The following AGBL4 variants were observed in gnomAD, a reference collection of about 807,000 sequenced individuals.
AGBL4 encodes the protein cytosolic carboxypeptidase 6.
In AGBL4, 58 loss-of-function variants were observed where a neutral mutation model predicts 66.4. The observed-to-expected ratio is 0.87, with a 90% CI of 0.71 to 1.09. The LOEUF is 1.09. Ranked by LOEUF, AGBL4 falls within the 50% of genes least tolerant of loss-of-function variation. The probability of loss-of-function intolerance (pLI) is 0.00; values close to 1 mark genes in which losing one functional copy is unlikely to be tolerated. For missense variants in AGBL4, 579 were observed against 631.0 expected, an observed-to-expected ratio of 0.92 and a Z score of 0.88; for synonymous variants, 234 against 222.9, an observed-to-expected ratio of 1.05 and a Z score of -0.44.
intron 4 of AGBL4, 48 bp downstream of exon 4, chr1:49,245,722 G>C: frequency 7.0e-7 from 1 of 1,423,396 alleles, no homozygotes; most frequent in Non-Finnish European, 9.7e-7. Flanking sequence ...ATGGGGTCTG[G>C]GACAAATTTT....
At chr1:49,085,930 G>A (rs142859830) in intron 4 of AGBL4, among the ~76,000 whole-genome samples, 94 of 152,254 alleles carry the variant, frequency 6.2e-4, no homozygotes, top group Admixed American at 1.6e-3. Flanking sequence ...GCAGATCAGC[G>A]TTGGTGTCAT....
At chr1:48,775,851 T>C (rs1051413975) in intron 6 of AGBL4, among the ~76,000 whole-genome samples, 5 of 152,238 alleles carry the variant, frequency 3.3e-5, no homozygotes, top group African/African-American at 1.2e-4. Context: ...TCCAGTGTTA[T>C]TCTGACCCAG....
chr1:48,757,620 T>C (rs1644008366), intron 6 of AGBL4, among the ~76,000 whole-genome samples: 1 of 152,204 alleles, frequency 6.6e-6, no homozygotes, highest in Non-Finnish European at 1.5e-5. Flanking sequence ...GCCTCTCTGC[T>C]GACTTCTTGG....
At chr1:49,781,607 C>A (rs1193599854) in intron 2 of AGBL4, among the ~76,000 whole-genome samples, 1 of 152,056 alleles carries the variant, frequency 6.6e-6, no homozygotes, top group Non-Finnish European at 1.5e-5. Flanking sequence ...AGAACAAGGA[C>A]AGAGAAAACA....
At chr1:49,409,626 C>T (rs1238688546) in intron 3 of AGBL4, among the ~76,000 whole-genome samples, 2 of 152,062 alleles carry the variant, frequency 1.3e-5, no homozygotes, top group Non-Finnish European at 2.9e-5. Flanking sequence ...CTTACTCTGG[C>T]GCTGACTATC....
chr1:49,776,837 A>G (rs180706795), intron 2 of AGBL4, among the ~76,000 whole-genome samples: 3 of 152,234 alleles, frequency 2.0e-5, no homozygotes, highest in Admixed American at 2.0e-4. Context: ...CATGACCATA[A>G]GTAACATGAA....
chr1:48,642,504 G>C (rs964640343), intron 8 of AGBL4, among the ~76,000 whole-genome samples: 6 of 151,976 alleles, frequency 3.9e-5, no homozygotes, highest in Non-Finnish European at 8.8e-5. Flanking sequence ...CTAATTCTTA[G>C]AGCCAGTGAC....
intron 3 of AGBL4, among the ~76,000 whole-genome samples, chr1:49,338,462 A>G (rs950327112): frequency 6.6e-6 from 1 of 152,184 alleles, no homozygotes; most frequent in African/African-American, 2.4e-5. Flanking sequence ...TACTTCTTAC[A>G]CACCTTTCAC....
chr1:49,792,891 T>C (rs921213117), intron 2 of AGBL4, among the ~76,000 whole-genome samples: 41 of 152,190 alleles, frequency 2.7e-4, no homozygotes, highest in African/African-American at 9.6e-4. Context: ...GACTCATAAA[T>C]GTGGGTAAAT....
chr1:49,450,616 A>G (rs1023847356), intron 3 of AGBL4, among the ~76,000 whole-genome samples: 1 of 152,138 alleles, frequency 6.6e-6, no homozygotes, highest in Non-Finnish European at 1.5e-5. Flanking sequence ...AACATCTTCA[A>G]ATTCATTGTG....
chr1:49,040,815 G>T (rs1374848565), intron 5 of AGBL4, among the ~76,000 whole-genome samples: 1 of 151,920 alleles, frequency 6.6e-6, no homozygotes, highest in African/African-American at 2.4e-5. Flanking sequence ...TTGAGATGAT[G>T]GAAATGTTCT....
At chr1:49,298,863 C>T (rs1644691270) in intron 3 of AGBL4, among the ~76,000 whole-genome samples, 1 of 152,116 alleles carries the variant, frequency 6.6e-6, no homozygotes, top group Non-Finnish European at 1.5e-5. Flanking sequence ...CTCTTCTCTG[C>T]CTTAGTCTGA....
chr1:48,762,009 G>A (rs192714671), intron 6 of AGBL4, among the ~76,000 whole-genome samples: 20 of 152,284 alleles, frequency 1.3e-4, no homozygotes, highest in African/African-American at 4.6e-4. Context: ...GCAGACGGGA[G>A]AAGAATAACA....
At chr1:49,574,536 C>A (rs1644397258) in intron 3 of AGBL4, among the ~76,000 whole-genome samples, 1 of 152,110 alleles carries the variant, frequency 6.6e-6, no homozygotes, top group East Asian at 1.9e-4. Flanking sequence ...AGACAATATA[C>A]CCTTGACAAA....
At chr1:48,888,978 C>T (rs987948873) in intron 5 of AGBL4, among the ~76,000 whole-genome samples, 1 of 152,182 alleles carries the variant, frequency 6.6e-6, no homozygotes, top group Admixed American at 6.5e-5. Flanking sequence ...CCAATGCAGG[C>T]AGAAAGCCTA....
chr1:49,176,729 A>C (rs1646839272), intron 4 of AGBL4, among the ~76,000 whole-genome samples: 2 of 152,096 alleles, frequency 1.3e-5, no homozygotes, highest in South Asian at 4.1e-4. Context: ...TATATAAAGA[A>C]TTTTAGCTAA....
intron 3 of AGBL4, among the ~76,000 whole-genome samples, chr1:49,551,811 G>C (rs186459449): frequency 1.7e-4 from 26 of 152,354 alleles, no homozygotes; most frequent in African/African-American, 5.3e-4. Flanking sequence ...AGCATCAGCT[G>C]TGGTAGTATA....
intron 9 of AGBL4, among the ~76,000 whole-genome samples, chr1:48,601,592 A>G (rs1048600562): frequency 6.6e-6 from 1 of 152,238 alleles, no homozygotes; most frequent in African/African-American, 2.4e-5. Flanking sequence ...TCAATATGAA[A>G]TCTATTGACA....
In AGBL4 at chr1:48,534,130, T is replaced by C; in HGVS notation, c.*43A>G. ...ATTAATTTCATTCCCCAGCAGAAAA[T>C]GCATGCTCCTGTCCCCATAAGACCT... On this transcript the variant is annotated 3_prime_UTR_variant, in exon 14 of 14. Transcript: ENST00000371839. 6.4e-7 allele frequency: 1 copy of C among 1,551,160 alleles called. No homozygotes were observed. Among genetic ancestry groups the C allele is most frequent in the Non-Finnish European group, 8.7e-7 (1 of 1,146,660 alleles).
Sources: gnomAD v4.1 joint callset for allele counts (sites outside exome capture counted in the v4.1 genomes callset) on GRCh38, gnomAD v4.1.1 for gene constraint, MANE v1.5 for transcripts, NCBI Gene and HGNC (gene_info 2026-07-23, HGNC 2026-07-21) for gene names.